The following CENPC variants were observed in gnomAD, a reference collection of about 807,000 sequenced individuals.
The protein encoded by CENPC is centromere protein C.
A neutral mutation model predicts 112.1 loss-of-function variants in CENPC; 63 were observed. That is an observed-to-expected ratio of 0.56 (90% CI 0.46 to 0.69). CENPC has a LOEUF of 0.69. Ranked by LOEUF, CENPC falls within the 30% of genes least tolerant of loss-of-function variation. The pLI is 0.00. For synonymous variants in CENPC, 333 were observed against 367.6 expected (o/e 0.91, Z 1.08); for missense variants, 1,000 against 1,103.8 (o/e 0.91, Z 1.33).
chr4:67,506,903 T>A lies in CENPC; in HGVS notation c.1936A>T (p.Ile646Phe), dbSNP rs1725750066. Residue 646 changes from isoleucine (I) to phenylalanine (F), a missense_variant, in exon 11 of 19, where the codon ATT (isoleucine) becomes TTT (phenylalanine). By Grantham distance (21) the Ile-to-Phe change is conservative. Coordinates refer to ENST00000273853, the MANE Select transcript of CENPC (RefSeq NM_001812.4). ...AGGGGAACATTCTGTGCAGTCATAA[T>A]GTTATCTTCATTCTTTGAGCTTCTT... ...STRSSKNEDNIMTAQNVPLKP... is the reference protein window; with the variant it reads ...STRSSKNEDNFMTAQNVPLKP... The A allele has an allele frequency of 1.2e-6, 2 of 1,610,820 alleles. No homozygotes were observed. The highest frequency in any genetic ancestry group is 1.3e-5 in the African/African-American group (1 of 74,778).
chr4:67,545,169 T>C (rs1485759378), intron 1 of CENPC, among the ~76,000 whole-genome samples, 169 bp downstream of exon 1: 1 of 152,234 alleles, frequency 6.6e-6, no homozygotes, highest in Non-Finnish European at 1.5e-5. Context: ...AAATTAACTC[T>C]GGTTATCGAC....
chr4:67,482,485 A>G (rs1231406997), intron 17 of CENPC, among the ~76,000 whole-genome samples: 1 of 152,254 alleles, frequency 6.6e-6, no homozygotes, highest in Non-Finnish European at 1.5e-5. Context: ...AACTGCAGAA[A>G]TACGGAACCA....
Position 67,508,880 on chromosome 4 carries a change from G to A in CENPC, c.1838C>T (p.Ser613Leu), listed in dbSNP as rs774041194. 18 of 1,613,588 alleles carry A rather than the reference G, an allele frequency of 1.1e-5. No homozygotes were observed. The African/African-American group carries it at 1.3e-4, about 12-fold the overall frequency. Residue 613 changes from serine to leucine, a missense_variant, in exon 10 of 19, where the codon TCG becomes TTG. Coordinates refer to ENST00000273853, the MANE Select transcript of CENPC (RefSeq NM_001812.4). ...IVGHDEISRC[S>L]LSEPLESDEA... ...ATCACTTTCCAATGGCTCACTCAGC[G>A]AACATCTGGAAATTTCATCATGACC...
chr4:67,526,878 T>C (rs1232683394), intron 5 of CENPC, among the ~76,000 whole-genome samples: 1 of 152,138 alleles, frequency 6.6e-6, no homozygotes, highest in Non-Finnish European at 1.5e-5. Context: ...CATAAAGACA[T>C]GCAATATCTT....
At chr4:67,492,376 T>C in intron 15 of CENPC, 101 bp from the exon 16 acceptor site, 1 of 628,134 alleles carries the variant, frequency 1.6e-6, no homozygotes, top group Non-Finnish European at 2.6e-6. Flanking sequence ...GTTATAAAAC[T>C]GTCAAACGCA....
At chr4:67,521,643 C>T (rs355503) in intron 5 of CENPC, among the ~76,000 whole-genome samples, 95,834 of 151,976 alleles carry the variant, frequency 0.63, 30,463 homozygotes, top group East Asian at 0.81. Context: ...AAACTTAAAA[C>T]TGAAAGCAGG....
At chr4:67,494,257 A>T (rs1481328281) in intron 13 of CENPC, among the ~76,000 whole-genome samples, 3 of 152,220 alleles carry the variant, frequency 2.0e-5, no homozygotes, top group Admixed American at 2.0e-4. Context: ...TGAACAATGC[A>T]AAGTTCTGTA....
chr4:67,475,584 T>C (rs896903126), intron 17 of CENPC, among the ~76,000 whole-genome samples: 3 of 152,204 alleles, frequency 2.0e-5, no homozygotes, highest in Admixed American at 1.3e-4. Context: ...AACTGTGAGA[T>C]AGATAATACA....
chr4:67,490,883 T>TACAG (rs375831161), intron 16 of CENPC, among the ~76,000 whole-genome samples: 2 of 8,432 alleles, frequency 2.4e-4, no homozygotes, highest in Non-Finnish European at 5.5e-4. Flanking sequence ...TATATAGAAA[T>TACAG]ATATAGAAAT....
rs17625437 is a variant in CENPC, at chr4:67,536,607, A to G, written c.231+3233T>C. On this transcript the variant is annotated intron_variant, in intron 4 of 18. Coordinates refer to ENST00000273853, the MANE Select transcript of CENPC (RefSeq NM_001812.4). The stretch of plus-strand genomic sequence containing the variant: ...ATTTTATTTTCAAATCAAGTAAACA[A>G]ATTTCATTCCTTATGTGGAAGGCCT... Among the ~76,000 whole-genome samples the G allele has an allele frequency of 4.8e-3, 735 of 152,248 alleles. 3 individuals carry two copies. The highest frequency in any genetic ancestry group is 0.01 in the Middle Eastern group (3 of 294).
rs1234710698 is a variant in CENPC at position 67,493,856 on chromosome 4, C to G, written c.2290+28G>C. The G allele has an allele frequency of 3.4e-6, 5 of 1,481,692 alleles. No homozygotes were observed. The African/African-American group carries it at 4.2e-5, about 12-fold the overall frequency. The allele number at this position is 1,481,692 out of a possible 1,614,324, so 91.8% of individuals were successfully genotyped here. On this transcript the variant is annotated intron_variant, in intron 14 of 18. Transcript: ENST00000273853. ...ACATAGTAAACAAATTTTTTATTGA[C>G]AGATATTATAACATAAATAAGTTTT...
rs2109754837 is a variant in CENPC, at chr4:67,472,463, A to G, written c.*142T>C. On this transcript the variant is annotated 3_prime_UTR_variant, in exon 19 of 19. Transcript: ENST00000273853. ...AAAAACATGTGAGTTAGAAATGTTT[A>G]TCAAATACAAGTCTACAGAAAACTG... 9.1e-7 allele frequency: 1 copy of G among 1,104,242 alleles called. No individual in the cohort carries two copies. Among genetic ancestry groups the G allele is most frequent in the Non-Finnish European group, 1.2e-6 (1 of 859,578 alleles). The allele number at this position is 1,104,242 out of a possible 1,614,324, so 68.4% of individuals were successfully genotyped here. A position where few individuals can be genotyped will look rare whatever the true frequency, so the allele number is the denominator to read the frequency against.
Position 67,472,661 on chromosome 4 carries a change from T to G in CENPC, c.2776A>C (p.Ile926Leu). The G allele has an allele frequency of 6.6e-7, 1 of 1,511,534 alleles. No individual in the cohort carries two copies. 93.6% of individuals were successfully genotyped at this position (1,511,534 alleles called of 1,614,324 possible). Reference sequence around the variant, plus strand: ...CTTTCCTCATTCCGGAGATTTTTGATGTTATAATAGTTACCTAAAAGTAAA... The same window carrying G: ...CTTTCCTCATTCCGGAGATTTTTGAGGTTATAATAGTTACCTAAAAGTAAA... ...FYVPSGNYYN[I>L]KNLRNEESVL... The change falls in exon 19 of 19, where the codon ATC becomes CTC. Residue 926 changes from isoleucine (I) to leucine (L), a missense_variant. Coordinates refer to ENST00000273853, the MANE Select transcript of CENPC (RefSeq NM_001812.4).
chr4:67,537,357 A>C (rs890759930), intron 4 of CENPC, among the ~76,000 whole-genome samples: 3 of 152,180 alleles, frequency 2.0e-5, no homozygotes, highest in Non-Finnish European at 4.4e-5. Flanking sequence ...ATTATGTTTC[A>C]TAAGAAAACA....
intron 17 of CENPC, among the ~76,000 whole-genome samples, chr4:67,488,460 C>T (rs1725150397): frequency 6.6e-6 from 1 of 151,910 alleles, no homozygotes. Context: ...CAAATTACTT[C>T]CCTGGGAAAA....
intron 17 of CENPC, among the ~76,000 whole-genome samples, chr4:67,478,629 AAC>A (rs200741539): frequency 0.083 from 6,760 of 81,848 alleles, 181 homozygotes; most frequent in Middle Eastern, 0.1. Context: ...GGGTCTATAA[AAC>A]ACACACACAC....
intron 2 of CENPC, among the ~76,000 whole-genome samples, chr4:67,542,662 T>G (rs1325387742): frequency 6.6e-6 from 1 of 152,214 alleles, no homozygotes; most frequent in East Asian, 1.9e-4. Flanking sequence ...TGCCCTCATT[T>G]TGCAGATAGG....
At chr4:67,529,537 G>A (rs1305275266) in intron 5 of CENPC, among the ~76,000 whole-genome samples, 3 of 152,032 alleles carry the variant, frequency 2.0e-5, no homozygotes, top group African/African-American at 7.3e-5. Flanking sequence ...TGTTGGCCAT[G>A]CTGGTCTCAA....
intron 4 of CENPC, among the ~76,000 whole-genome samples, chr4:67,535,149 AT>A (rs1463797190): frequency 2.0e-5 from 3 of 152,020 alleles, no homozygotes; most frequent in Non-Finnish European, 2.9e-5. Context: ...ATATGAAAAA[AT>A]ATATATTATT....
Sources: allele counts gnomAD v4.1 joint callset (sites outside exome capture counted in the v4.1 genomes callset), GRCh38; gene constraint gnomAD v4.1.1; transcripts MANE v1.5; gene names NCBI Gene and HGNC (gene_info 2026-07-23, HGNC 2026-07-21).